Variants in GOLGA3 observed in about 807,000 individuals in gnomAD.
GOLGA3 encodes the protein golgin subfamily A member 3.
In GOLGA3, 75 loss-of-function variants were observed where a neutral mutation model predicts 169.4. The ratio of observed to expected loss-of-function variants is 0.44; its 90% CI spans 0.37 to 0.54. The LOEUF (loss-of-function observed/expected upper bound fraction) is 0.54. GOLGA3 is among the 20% of genes least tolerant of loss of function. The probability of loss-of-function intolerance (pLI) is 0.00; values close to 1 mark genes in which losing one functional copy is unlikely to be tolerated. For synonymous variants in GOLGA3, 824 were observed against 822.4 expected (o/e 1.00, Z -0.03); for missense variants, 1,899 against 1,930.0 (o/e 0.98, Z 0.30).
chr12:132,820,415 C>T (rs139674430), intron 2 of GOLGA3, among the ~76,000 whole-genome samples: 1 of 152,336 alleles, frequency 6.6e-6, no homozygotes, highest in East Asian at 1.9e-4. Flanking sequence ...CTCGAGGGCA[C>T]ATTGCTCCTG....
At chr12:132,788,938 G>GGCCCCGCCCCAGACACAT in intron 13 of GOLGA3, 89 bp downstream of exon 13, 2 of 396,446 alleles carry the variant, frequency 5.0e-6, no homozygotes, top group Non-Finnish European at 3.8e-6. Context: ...CCCAGACACA[G>GGCCCCGCCCCAGACACAT]GCCCCGCCCC....
At chr12:132,828,256 C>T (rs1290378303) in intron 1 of GOLGA3, 1 of 152,238 alleles carries the variant, frequency 6.6e-6, no homozygotes, top group Non-Finnish European at 1.5e-5. Context: ...TAGGTGGGCT[C>T]CGCGGGGGCA....
At chr12:132,786,062 G>A (rs2045880742) in intron 15 of GOLGA3, among the ~76,000 whole-genome samples, 1 of 152,212 alleles carries the variant, frequency 6.6e-6, no homozygotes, top group African/African-American at 2.4e-5. Flanking sequence ...CTGCCCCAAG[G>A]GAGCAGCTGA....
rs565857425 is a variant in GOLGA3 at position 132,780,635 on chromosome 12, C to T, written c.3582+163G>A. ...CCATTTAATCTAACGCCACCTTCTA[C>T]GGACCAGAGCAGGTGCTCTGCGGCC... On this transcript the variant is annotated intron_variant, in intron 18 of 23. Coordinates refer to ENST00000450791, the MANE Select transcript of GOLGA3 (RefSeq NM_001389683.1). Among the ~76,000 whole-genome samples the T allele has an allele frequency of 1.5e-3, 236 of 152,382 alleles. 2 individuals carry two copies. Among genetic ancestry groups the T allele is most frequent in the Non-Finnish European group, 2.5e-4 (17 of 68,042 alleles).
At chr12:132,796,328 T>C in intron 10 of GOLGA3, 108 bp from the exon 11 acceptor site, 1 of 1,336,314 alleles carries the variant, frequency 7.5e-7, no homozygotes, top group Non-Finnish European at 1.0e-6. Context: ...ATGGAGGGTC[T>C]TTTTTTCACG....
intron 18 of GOLGA3, among the ~76,000 whole-genome samples, chr12:132,779,847 C>CCT: frequency 1.9e-5 from 2 of 106,518 alleles, no homozygotes; most frequent in African/African-American, 3.2e-5. Flanking sequence ...ACGGACACCC[C>CCT]CCCGCGCACA....
chr12:132,780,960 C>T (rs1203697350), intron 17 of GOLGA3, 46 bp from the exon 18 acceptor site: 3 of 1,415,392 alleles, frequency 2.1e-6, no homozygotes, highest in Admixed American at 1.7e-5. Context: ...CGTCGAATTA[C>T]AAACACACAA....
intron 4 of GOLGA3, chr12:132,811,652 G>C (rs1193602302): frequency 6.5e-6 from 1 of 153,276 alleles, no homozygotes; most frequent in Admixed American, 6.6e-5. Context: ...AGTAGAGACG[G>C]GGTTTCTCCA....
At chr12:132,799,056 G>A (rs1022509681) in intron 8 of GOLGA3, among the ~76,000 whole-genome samples, 2 of 152,220 alleles carry the variant, frequency 1.3e-5, no homozygotes. Flanking sequence ...GAGGTGTGAG[G>A]ACAGCCTGGG....
intron 22 of GOLGA3, chr12:132,774,755 C>T (rs1268293819): frequency 9.3e-6 from 4 of 428,218 alleles, no homozygotes; most frequent in South Asian, 5.1e-5. Context: ...TCAATCCGAG[C>T]GCTGCCCTCC....
chr12:132,828,115 C>T (rs1950497621), intron 1 of GOLGA3, among the ~76,000 whole-genome samples: 1 of 152,164 alleles, frequency 6.6e-6, no homozygotes, highest in African/African-American at 2.4e-5. Context: ...CACAATTTTG[C>T]CTGGCTTGCT....
chr12:132,794,325 T>C (rs1223394845), intron 11 of GOLGA3, among the ~76,000 whole-genome samples: 1 of 144,278 alleles, frequency 6.9e-6, no homozygotes, highest in Non-Finnish European at 1.5e-5. Flanking sequence ...CAAAACCCCG[T>C]ATCTATTTAA....
chr12:132,826,962 G>A (rs533207861), intron 1 of GOLGA3, among the ~76,000 whole-genome samples: 1 of 152,292 alleles, frequency 6.6e-6, no homozygotes, highest in South Asian at 2.1e-4. Context: ...TCGCACTCCT[G>A]CGTCTCTAGA....
intron 2 of GOLGA3, among the ~76,000 whole-genome samples, chr12:132,819,951 G>T (rs547593956): frequency 2.0e-5 from 3 of 152,222 alleles, no homozygotes; most frequent in African/African-American, 7.2e-5. Context: ...AGGCCAAGGT[G>T]GGGGGATCAC....
At chr12:132,784,737 ACACGCACATGCTCACACCC>A (rs1178724258) in intron 15 of GOLGA3, among the ~76,000 whole-genome samples, 116 of 149,586 alleles carry the variant, frequency 7.8e-4, no homozygotes, top group African/African-American at 2.8e-3. Context: ...CTCACACCCC[ACACGCACATGCTCACACCC>A]CACGTGTTCA....
At chr12:132,797,252 A>G (rs1390244532) in intron 9 of GOLGA3, among the ~76,000 whole-genome samples, 1 of 152,112 alleles carries the variant, frequency 6.6e-6, no homozygotes, top group Non-Finnish European at 1.5e-5. Context: ...GTCGCAGGAG[A>G]TGAGAAACCA....
Position 132,807,246 on chromosome 12 carries a change from C to A in GOLGA3, c.1221G>T (p.Met407Ile). ...GCATTTTCTCTTTGAGCACCTGCAG[C>A]ATCTCCTCCTGTGTTTCTGCTGCAG... ...ESSAAETQEE[M>I]LQVLKEKMRL... is the part of the protein sequence containing the mutation. Residue 407 changes from methionine to isoleucine, a missense_variant, in exon 6 of 24, where the codon ATG (methionine) becomes ATT (isoleucine). Met to Ile is a conservative substitution (Grantham distance 10). Coordinates refer to ENST00000450791, the MANE Select transcript of GOLGA3 (RefSeq NM_001389683.1). The A allele has an allele frequency of 6.3e-7, 1 of 1,598,964 alleles. No individual in the cohort carries two copies.
intron 15 of GOLGA3, among the ~76,000 whole-genome samples, chr12:132,786,040 C>A (rs2045879840): frequency 6.6e-6 from 1 of 152,240 alleles, no homozygotes; most frequent in Non-Finnish European, 1.5e-5. Flanking sequence ...CGGACCAGGG[C>A]AGGCCCTCCC....
At chr12:132,790,977 G>A (rs1299007391) in intron 12 of GOLGA3, among the ~76,000 whole-genome samples, 1 of 141,438 alleles carries the variant, frequency 7.1e-6, no homozygotes, top group African/African-American at 2.6e-5. Flanking sequence ...CTTGAACCCG[G>A]GAGGCAGAGC....
Sources: gnomAD v4.1 joint callset for allele counts (sites outside exome capture counted in the v4.1 genomes callset) on GRCh38, gnomAD v4.1.1 for gene constraint, MANE v1.5 for transcripts, NCBI Gene and HGNC (gene_info 2026-07-23, HGNC 2026-07-21) for gene names.